EBF1: variants seen among roughly 807,000 people sequenced by gnomAD.
The protein encoded by EBF1 is EBF transcription factor 1, also known as transcription factor COE1.
A neutral mutation model predicts 68.4 loss-of-function variants in EBF1; 10 were observed. The ratio of observed to expected loss-of-function variants is 0.15; its 90% CI spans 0.09 to 0.25. The LOEUF is 0.25. EBF1 is among the 10% of genes least tolerant of loss of function. EBF1 has a pLI of 1.00. For missense variants in EBF1, 509 were observed against 794.4 expected, an observed-to-expected ratio of 0.64 and a Z score of 4.32; for synonymous variants, 298 against 299.8, an observed-to-expected ratio of 0.99 and a Z score of 0.06.
intron 6 of EBF1, among the ~76,000 whole-genome samples, chr5:159,004,193 C>T (rs189607899): frequency 6.6e-6 from 1 of 151,366 alleles, no homozygotes; most frequent in Non-Finnish European, 1.5e-5. Context: ...AGGAGAATCA[C>T]TTGAACCCAA....
chr5:158,879,232 A>AATGATCG (rs1462306560), intron 6 of EBF1, among the ~76,000 whole-genome samples: 5 of 152,218 alleles, frequency 3.3e-5, no homozygotes, highest in African/African-American at 1.2e-4. Context: ...ATCAATGATC[A>AATGATCG]CAATGGTGAA....
intron 6 of EBF1, among the ~76,000 whole-genome samples, chr5:159,060,740 G>A (rs909762320): frequency 2.6e-5 from 4 of 151,928 alleles, no homozygotes; most frequent in Admixed American, 6.6e-5. Context: ...TATCACCCTC[G>A]TCCTTATTTT....
intron 6 of EBF1, among the ~76,000 whole-genome samples, chr5:159,010,833 T>C (rs1394310053): frequency 2.0e-5 from 3 of 152,202 alleles, no homozygotes; most frequent in African/African-American, 7.2e-5. Flanking sequence ...GGCTCTTTAA[T>C]TGAAAAAAGC....
intron 6 of EBF1, among the ~76,000 whole-genome samples, chr5:158,946,951 C>T (rs1814884370): frequency 6.6e-6 from 1 of 152,202 alleles, no homozygotes; most frequent in Non-Finnish European, 1.5e-5. Context: ...TGAGCTCCCC[C>T]TAGCTGGAAC....
At chr5:158,960,270 T>G (rs1817915357) in intron 6 of EBF1, among the ~76,000 whole-genome samples, 1 of 152,198 alleles carries the variant, frequency 6.6e-6, no homozygotes, top group East Asian at 1.9e-4. Context: ...GTGAGCTTAT[T>G]CAAAAATTGC....
chr5:159,011,047 C>G (rs535016891), intron 6 of EBF1, among the ~76,000 whole-genome samples: 13 of 152,320 alleles, frequency 8.5e-5, no homozygotes, highest in African/African-American at 3.1e-4. Context: ...GAGCCCTGCT[C>G]CCTTTCCTTT....
intron 6 of EBF1, among the ~76,000 whole-genome samples, chr5:159,072,510 C>T (rs993803919): frequency 1.6e-4 from 25 of 152,192 alleles, no homozygotes; most frequent in Admixed American, 5.9e-4. Context: ...AATGAGGGAT[C>T]GGTCAGTCTT....
At chr5:158,738,602 T>C (rs1765681009) in intron 10 of EBF1, among the ~76,000 whole-genome samples, 1 of 152,210 alleles carries the variant, frequency 6.6e-6, no homozygotes, top group Admixed American at 6.5e-5. Context: ...AAGTGCTTTC[T>C]AGAAATTATC....
intron 6 of EBF1, among the ~76,000 whole-genome samples, chr5:158,948,455 A>G (rs1406218629): frequency 6.6e-6 from 1 of 152,002 alleles, no homozygotes; most frequent in East Asian, 1.9e-4. Context: ...ATGGCTTTCA[A>G]AAACATAAGT....
intron 6 of EBF1, among the ~76,000 whole-genome samples, chr5:158,959,059 G>C (rs1016198869): frequency 6.6e-6 from 1 of 152,054 alleles, no homozygotes; most frequent in Admixed American, 6.6e-5. Context: ...TCTAGTGAGA[G>C]GAGGGATTAT....
intron 6 of EBF1, among the ~76,000 whole-genome samples, chr5:158,864,937 G>C (rs1795621805): frequency 6.6e-6 from 1 of 152,170 alleles, no homozygotes; most frequent in Admixed American, 6.5e-5. Context: ...CTTCCCATAT[G>C]AGCTGGACAG....
chr5:158,904,873 A>G lies in EBF1; in HGVS notation c.555-64763T>C, dbSNP rs1043558937. ...GGTTCATTTATATTACTGCCTGCTC[A>G]GGTGGCATTTCAATTTGTTATTCTC... On this transcript the variant is annotated intron_variant, in intron 6 of 15. Coordinates refer to ENST00000313708, the MANE Select transcript of EBF1 (RefSeq NM_024007.5). 6.0e-4 allele frequency among the ~76,000 whole-genome samples: 92 copies of G among 152,302 alleles called. 1 individual carries two copies. The highest frequency in any genetic ancestry group is 2.1e-3 in the African/African-American group (88 of 41,564).
intron 6 of EBF1, among the ~76,000 whole-genome samples, chr5:158,974,726 A>G (rs1756376822): frequency 6.6e-6 from 1 of 152,212 alleles, no homozygotes; most frequent in Non-Finnish European, 1.5e-5. Context: ...TATTTTGTAA[A>G]TCCATATTTG....
chr5:158,839,675 G>A lies in EBF1; in HGVS notation c.636+354C>T, dbSNP rs139640067. Among the ~76,000 whole-genome samples the A allele has an allele frequency of 3.0e-3, 461 of 152,248 alleles. 1 individual carries two copies. The highest frequency in any genetic ancestry group is 0.01 in the African/African-American group (430 of 41,532). The stretch of plus-strand genomic sequence containing the variant: ...TGGGATTACAGGCATGAGCCACTGC[G>A]CTCAGCCTCTTTACTCTTATTTACT... On this transcript the variant is annotated intron_variant, in intron 7 of 15. Transcript: ENST00000313708.
At chr5:158,737,445 A>C (rs1304758216) in intron 10 of EBF1, among the ~76,000 whole-genome samples, 4 of 151,200 alleles carry the variant, frequency 2.6e-5, no homozygotes, top group Non-Finnish European at 5.9e-5. Context: ...CACCACGCCC[A>C]GCTAATTTTT....
At chr5:159,060,114 C>T (rs1775518184) in intron 6 of EBF1, among the ~76,000 whole-genome samples, 1 of 152,050 alleles carries the variant, frequency 6.6e-6, no homozygotes. Flanking sequence ...AGACATTATA[C>T]AATCAAAGTA....
intron 6 of EBF1, among the ~76,000 whole-genome samples, chr5:159,003,539 AACCAGAAG>A: frequency 6.6e-6 from 1 of 152,308 alleles, no homozygotes; most frequent in South Asian, 2.1e-4. Context: ...ATTGAGGACT[AACCAGAAG>A]ACCTTGGATG....
chr5:158,725,633 A>T (rs1000451787), intron 11 of EBF1, among the ~76,000 whole-genome samples: 1 of 152,234 alleles, frequency 6.6e-6, no homozygotes, highest in Admixed American at 6.5e-5. Context: ...AATGCAGTTC[A>T]TTTCACAAGT....
chr5:158,715,996 G>A (rs933329648), intron 11 of EBF1, among the ~76,000 whole-genome samples: 2 of 152,122 alleles, frequency 1.3e-5, no homozygotes, highest in East Asian at 3.9e-4. Flanking sequence ...TTTTAGGGGG[G>A]AAAAAGGCAA....
Sources: allele counts gnomAD v4.1 joint callset (sites outside exome capture counted in the v4.1 genomes callset), GRCh38; gene constraint gnomAD v4.1.1; transcripts MANE v1.5; gene names NCBI Gene and HGNC (gene_info 2026-07-23, HGNC 2026-07-21).